The following FAF1 variants were observed in gnomAD, a reference collection of about 807,000 sequenced individuals.
FAF1 encodes the protein Fas associated factor 1, also known as FAS-associated factor 1.
Under a neutral mutation model 92.5 loss-of-function variants are expected in FAF1, and 25 were observed. The observed-to-expected ratio is 0.27, with a 90% CI of 0.20 to 0.38. FAF1 has a LOEUF of 0.38. Ranked by LOEUF, FAF1 falls within the 10% of genes least tolerant of loss-of-function variation. The pLI is 1.00. For missense variants in FAF1, 636 were observed against 793.3 expected (o/e 0.80, Z 2.38); for synonymous variants, 234 against 273.2 (o/e 0.86, Z 1.42).
intron 7 of FAF1, among the ~76,000 whole-genome samples, chr1:50,698,851 A>T (rs938564008): frequency 6.6e-6 from 1 of 152,066 alleles, no homozygotes; most frequent in Non-Finnish European, 1.5e-5. Flanking sequence ...TTTAAGAAAT[A>T]AAAAAGATTT....
At chr1:50,654,896 G>C (rs1486039953) in intron 8 of FAF1, among the ~76,000 whole-genome samples, 2 of 151,676 alleles carry the variant, frequency 1.3e-5, no homozygotes, top group African/African-American at 2.4e-5. Context: ...TGCTTGGCTT[G>C]TGATATCTGT....
At chr1:50,773,605 C>T (rs1660847576) in intron 4 of FAF1, among the ~76,000 whole-genome samples, 1 of 152,150 alleles carries the variant, frequency 6.6e-6, no homozygotes, top group South Asian at 2.1e-4. Context: ...CATGCTCTCA[C>T]TTACATATGG....
At chr1:50,532,195 C>G (rs1231252417) in intron 15 of FAF1, among the ~76,000 whole-genome samples, 1 of 152,064 alleles carries the variant, frequency 6.6e-6, no homozygotes, top group Non-Finnish European at 1.5e-5. Flanking sequence ...AAATCCTTAC[C>G]TCTTGCAATT....
At chr1:50,609,867 G>A (rs887397404) in intron 8 of FAF1, among the ~76,000 whole-genome samples, 4 of 151,494 alleles carry the variant, frequency 2.6e-5, no homozygotes, top group African/African-American at 9.7e-5. Context: ...AGAATAAAGA[G>A]AACAACTTAT....
chr1:50,560,608 T>C (rs76753090), intron 13 of FAF1, among the ~76,000 whole-genome samples: 2,027 of 152,324 alleles, frequency 0.013, 43 homozygotes, highest in African/African-American at 0.045. Flanking sequence ...TAGTAGCATG[T>C]ACACTGATGT....
chr1:50,704,878 A>C (rs1053109143), intron 7 of FAF1, among the ~76,000 whole-genome samples: 2 of 152,222 alleles, frequency 1.3e-5, no homozygotes, highest in African/African-American at 4.8e-5. Context: ...AGTCTACAGA[A>C]ACAGTTCATA....
At chr1:50,492,687 C>T (rs941510595) in intron 15 of FAF1, among the ~76,000 whole-genome samples, 2 of 152,096 alleles carry the variant, frequency 1.3e-5, no homozygotes, top group African/African-American at 2.4e-5. Context: ...ATATTTGTGA[C>T]CTATAAAACT....
At chr1:50,896,980 A>G (rs186891446) in intron 1 of FAF1, among the ~76,000 whole-genome samples, 13 of 152,300 alleles carry the variant, frequency 8.5e-5, no homozygotes, top group Admixed American at 2.0e-4. Flanking sequence ...ACACAAAGAA[A>G]AGAAAAAGTC....
intron 1 of FAF1, among the ~76,000 whole-genome samples, chr1:50,945,553 A>C (rs1220697300): frequency 6.6e-6 from 1 of 152,218 alleles, no homozygotes; most frequent in East Asian, 1.9e-4. Context: ...TATCCAATAT[A>C]ATGAATATGG....
chr1:50,794,575 A>G (rs1661675741), intron 3 of FAF1, among the ~76,000 whole-genome samples: 1 of 152,204 alleles, frequency 6.6e-6, no homozygotes, highest in South Asian at 2.1e-4. Context: ...TAGAGAAGAG[A>G]TATGAAAACA....
At chr1:50,895,854 T>TA (rs1644753752) in intron 1 of FAF1, among the ~76,000 whole-genome samples, 1 of 151,862 alleles carries the variant, frequency 6.6e-6, no homozygotes, top group African/African-American at 2.4e-5. Flanking sequence ...CTTCATGATT[T>TA]TAAAAAAAAA....
intron 8 of FAF1, among the ~76,000 whole-genome samples, chr1:50,621,391 C>CTTTTTT (rs36053834): frequency 1.1e-4 from 10 of 89,232 alleles, no homozygotes; most frequent in African/African-American, 1.9e-4. Context: ...TTCTTTTTTT[C>CTTTTTT]TTTTTTTTTT....
intron 7 of FAF1, among the ~76,000 whole-genome samples, chr1:50,661,300 C>T (rs550456144): frequency 9.7e-4 from 148 of 152,226 alleles, no homozygotes; most frequent in African/African-American, 3.4e-3. Context: ...TTTGCCAGAA[C>T]GCTACTGTGA....
chr1:50,776,414 G>C (rs1427537289), intron 4 of FAF1, among the ~76,000 whole-genome samples: 1 of 152,164 alleles, frequency 6.6e-6, no homozygotes, highest in Non-Finnish European at 1.5e-5. Context: ...ATGGCAGGCA[G>C]AGAATCATGT....
chr1:50,708,145 A>G (rs926569628), intron 6 of FAF1, among the ~76,000 whole-genome samples: 11 of 152,174 alleles, frequency 7.2e-5, no homozygotes, highest in Non-Finnish European at 1.3e-4. Flanking sequence ...CTAGTAAGAT[A>G]TGACTTACAT....
At chr1:50,909,881 A>G (rs969015240) in intron 1 of FAF1, among the ~76,000 whole-genome samples, 12 of 151,994 alleles carry the variant, frequency 7.9e-5, no homozygotes, top group Non-Finnish European at 1.6e-4. Context: ...TCTTGTCTCA[A>G]CTCGTCAAAG....
At chr1:50,758,232 T>G (rs1292476359) in intron 4 of FAF1, among the ~76,000 whole-genome samples, 1 of 152,182 alleles carries the variant, frequency 6.6e-6, no homozygotes, top group Admixed American at 6.5e-5. Context: ...TTTTGTATTT[T>G]TAGTAGAGAC....
intron 2 of FAF1, among the ~76,000 whole-genome samples, chr1:50,836,019 T>C (rs1393703494): frequency 1.3e-5 from 2 of 152,086 alleles, no homozygotes; most frequent in African/African-American, 4.8e-5. Flanking sequence ...CTTGGGAATA[T>C]TTCTCTAAAA....
At chr1:50,667,378 T>C (rs1378723436) in intron 7 of FAF1, among the ~76,000 whole-genome samples, 1 of 152,116 alleles carries the variant, frequency 6.6e-6, no homozygotes, top group African/African-American at 2.4e-5. Context: ...GGACAGTAAA[T>C]CAATTATGCC....
Sources: gnomAD v4.1 joint callset for allele counts (sites outside exome capture counted in the v4.1 genomes callset) on GRCh38, gnomAD v4.1.1 for gene constraint, MANE v1.5 for transcripts, NCBI Gene and HGNC (gene_info 2026-07-23, HGNC 2026-07-21) for gene names.